NCOA1: variants seen among roughly 807,000 people sequenced by gnomAD.
The protein encoded by NCOA1 is nuclear receptor coactivator 1, also known as Hin-2 protein.
NCOA1 carries 35 observed loss-of-function variants against 150.9 expected under a neutral mutation model. The observed-to-expected ratio is 0.23, with a 90% confidence interval of 0.18 to 0.31. The LOEUF (loss-of-function observed/expected upper bound fraction) is 0.31, where lower values mean the gene tolerates loss of function less well. Among genes scored for constraint, NCOA1 ranks in the 10% least tolerant of loss-of-function variants. The pLI is 1.00. For missense variants in NCOA1, 1,491 were observed against 1,749.3 expected (o/e 0.85, Z 2.63); for synonymous variants, 590 against 630.0 (o/e 0.94, Z 0.95).
At position 24,701,276 on chromosome 2, in the gene NCOA1, GGA is replaced by G. The variant is rs1269126713; in HGVS notation, c.949+3480_949+3481del. On this transcript the variant is annotated intron_variant, in intron 11 of 22. Transcript: ENST00000348332. ...TCCCAGCCCTTGGGAGGCTGAGACA[GGA>G]GGATTGCTTGAGTCCAGAAGTTCAA... 6.6e-5 allele frequency among the ~76,000 whole-genome samples: 10 copies of G among 152,208 alleles called. No homozygotes were observed. The East Asian group carries it at 1.7e-3, about 26-fold the overall frequency.
intron 20 of NCOA1, among the ~76,000 whole-genome samples, chr2:24,756,071 T>TAAAAA (rs369987098): frequency 1.8e-5 from 2 of 108,186 alleles, no homozygotes; most frequent in African/African-American, 3.9e-5. Flanking sequence ...CCATCTCTAC[T>TAAAAA]AAAAAAAAAA....
At chr2:24,751,775 C>G (rs1198575485) in intron 19 of NCOA1, among the ~76,000 whole-genome samples, 1 of 152,060 alleles carries the variant, frequency 6.6e-6, no homozygotes, top group Non-Finnish European at 1.5e-5. Flanking sequence ...TTGGTTTATG[C>G]TGAGATTTCT....
chr2:24,577,053 G>C (rs553438254), intron 2 of NCOA1, among the ~76,000 whole-genome samples: 1 of 152,180 alleles, frequency 6.6e-6, no homozygotes, highest in South Asian at 2.1e-4. Context: ...GTTTCTGTTA[G>C]TTGCTAGTTT....
intron 1 of NCOA1, among the ~76,000 whole-genome samples, chr2:24,517,198 G>C (rs1664238038): frequency 6.6e-6 from 1 of 151,440 alleles, no homozygotes; most frequent in South Asian, 2.1e-4. Context: ...GATTACTTTG[G>C]TTCTTGTAGA....
intron 14 of NCOA1, among the ~76,000 whole-genome samples, chr2:24,715,834 G>T (rs1162087824): frequency 6.6e-6 from 1 of 152,072 alleles, no homozygotes; most frequent in Non-Finnish European, 1.5e-5. Context: ...TAAATTTAAT[G>T]TAATCCCAAT....
At chr2:24,685,761 T>C (rs1672370089) in intron 8 of NCOA1, among the ~76,000 whole-genome samples, 1 of 152,248 alleles carries the variant, frequency 6.6e-6, no homozygotes, top group Non-Finnish European at 1.5e-5. Flanking sequence ...TTAGCTGTTA[T>C]TATTCCTGTG....
At chr2:24,723,445 A>C (rs1205049354) in intron 14 of NCOA1, among the ~76,000 whole-genome samples, 2 of 152,224 alleles carry the variant, frequency 1.3e-5, no homozygotes, top group African/African-American at 4.8e-5. Context: ...TCTGAGATAC[A>C]AGTTCTGAAT....
At chr2:24,699,826 A>G (rs992674146) in intron 11 of NCOA1, among the ~76,000 whole-genome samples, 2 of 152,218 alleles carry the variant, frequency 1.3e-5, no homozygotes, top group African/African-American at 4.8e-5. Flanking sequence ...AGGCCTGCCC[A>G]GATATCTTAA....
intron 1 of NCOA1, among the ~76,000 whole-genome samples, chr2:24,518,179 G>A (rs1026380942): frequency 6.6e-6 from 1 of 151,964 alleles, no homozygotes. Flanking sequence ...TTGGTTTAAC[G>A]TTAAAAAATT....
At chr2:24,667,759 G>A (rs942613730) in intron 6 of NCOA1, among the ~76,000 whole-genome samples, 2 of 152,112 alleles carry the variant, frequency 1.3e-5, no homozygotes, top group Non-Finnish European at 2.9e-5. Context: ...TACAGTTGCT[G>A]TTCCTTCTGT....
At chr2:24,676,124 T>C in intron 7 of NCOA1, among the ~76,000 whole-genome samples, 1 of 152,190 alleles carries the variant, frequency 6.6e-6, no homozygotes, top group East Asian at 1.9e-4. Context: ...CCTCAAGTTT[T>C]GGAACAGCAA....
intron 3 of NCOA1, among the ~76,000 whole-genome samples, chr2:24,638,180 CTTTTTTTTT>C (rs544369191): frequency 7.8e-5 from 7 of 89,508 alleles, no homozygotes; most frequent in Non-Finnish European, 1.4e-4. Context: ...ATGAGATCAA[CTTTTTTTTT>C]TTTTTTTTTT....
In NCOA1 at chr2:24,741,918, C is replaced by T. The variant is rs772182506; in HGVS notation, c.3438C>T (p.Pro1146=). 17 of 1,614,112 alleles carry T rather than the reference C, an allele frequency of 1.1e-5. 1 individual carries two copies. The South Asian group carries it at 1.9e-4, about 18-fold the overall frequency. Residue 1146 remains proline, a synonymous_variant, in exon 19 of 23, where the codon CCC becomes CCT. Coordinates refer to ENST00000348332, the MANE Select transcript of NCOA1 (RefSeq NM_003743.5). ...AAAGCTTTGGGAACAACCTCCCTCC[C>T]TCATCTGGACTACCAGTTCAAATGG... ...RQQSFGNNLP[P]SSGLPVQMGN... is the part of the protein sequence containing the mutation.
At chr2:24,708,004 G>T in intron 13 of NCOA1, 116 bp downstream of exon 13, 1 of 1,308,302 alleles carries the variant, frequency 7.6e-7, no homozygotes, top group Non-Finnish European at 1.0e-6. Flanking sequence ...TATCCATTGG[G>T]CATATATTAA....
At position 24,706,955 on chromosome 2, in the gene NCOA1, T is replaced by G; in HGVS notation, c.1485T>G (p.Ser495=). 1 of 1,614,216 alleles carries G rather than the reference T, an allele frequency of 6.2e-7. No homozygotes were observed. The highest frequency in any genetic ancestry group is 8.5e-7 in the Non-Finnish European group (1 of 1,180,038). Residue 495 remains serine (S), a synonymous_variant, in exon 13 of 23, where the codon TCT becomes TCG. Coordinates refer to ENST00000348332, the MANE Select transcript of NCOA1 (RefSeq NM_003743.5). ...TGTCTCCAAGGAGACAGGTTACTTC[T>G]GGATTGGCAACAAGGCCCAGGATGC... is the stretch of plus-strand genomic sequence containing the variant. ...QFMSPRRQVT[S]GLATRPRMPN...
chr2:24,659,792 A>G (rs1671098230), intron 5 of NCOA1, among the ~76,000 whole-genome samples: 1 of 152,264 alleles, frequency 6.6e-6, no homozygotes, highest in East Asian at 1.9e-4. Context: ...GATGTTTAGC[A>G]GTATCCCTGC....
intron 14 of NCOA1, among the ~76,000 whole-genome samples, chr2:24,726,284 T>C (rs1674617540): frequency 1.3e-5 from 2 of 152,294 alleles, no homozygotes; most frequent in East Asian, 1.9e-4. Flanking sequence ...ATAACCAAAA[T>C]TGTTAAATTT....
rs1671922352 is a variant in NCOA1 at position 24,676,628 on chromosome 2, A to T, written c.354+3165A>T. ...CCAGCCATGGTTTGTAACCAGGCTGAAATGACTCAAATGACAGACTAAGAA... is the reference window on the plus strand; with the variant it reads ...CCAGCCATGGTTTGTAACCAGGCTGTAATGACTCAAATGACAGACTAAGAA... On this transcript the variant is annotated intron_variant, in intron 7 of 22. Transcript: ENST00000348332. Among the ~76,000 whole-genome samples the T allele has an allele frequency of 2.6e-5, 4 of 152,230 alleles. 1 individual carries two copies. Among genetic ancestry groups the T allele is most frequent in the Admixed American group, 2.6e-4 (4 of 15,288 alleles).
chr2:24,670,007 G>A (rs1208470394), intron 6 of NCOA1, among the ~76,000 whole-genome samples: 2 of 152,136 alleles, frequency 1.3e-5, no homozygotes, highest in Admixed American at 6.5e-5. Flanking sequence ...GCACAGTGGT[G>A]CATCCCTGTA....
Sources: gnomAD v4.1 joint callset for allele counts (sites outside exome capture counted in the v4.1 genomes callset) on GRCh38, gnomAD v4.1.1 for gene constraint, MANE v1.5 for transcripts, NCBI Gene and HGNC (gene_info 2026-07-23, HGNC 2026-07-21) for gene names.